Variants in UBE2D3 observed in about 807,000 individuals in gnomAD.
The protein encoded by UBE2D3 is ubiquitin-conjugating enzyme E2 D3.
A neutral mutation model predicts 22.8 loss-of-function variants in UBE2D3; 2 were observed. The observed-to-expected ratio is 0.09, with a 90% CI of 0.04 to 0.28. The LOEUF (loss-of-function observed/expected upper bound fraction) is 0.28. Ranked by LOEUF, UBE2D3 falls within the 10% of genes least tolerant of loss-of-function variation. The pLI, the probability that UBE2D3 is intolerant of heterozygous loss-of-function variation, is 1.00. For missense variants in UBE2D3, 27 were observed against 182.5 expected (o/e 0.15, Z 4.91); for synonymous variants, 56 against 60.4 (o/e 0.93, Z 0.34).
intron 1 of UBE2D3, among the ~76,000 whole-genome samples, chr4:102,854,796 G>A (rs1732550595): frequency 1.3e-5 from 2 of 152,176 alleles, no homozygotes; most frequent in Non-Finnish European, 1.5e-5. Context: ...GAAACAAGAA[G>A]GAAGCAAAAG....
At chr4:102,828,547 G>A (rs977374654), upstream of UBE2D3, among the ~76,000 whole-genome samples, 9 of 152,190 alleles carry the variant, frequency 5.9e-5, no homozygotes, top group South Asian at 2.1e-4. Context: ...AGAGAGTTAG[G>A]GGCAGGGTTT....
At chr4:102,811,664 T>G (rs1458372003) in intron 2 of UBE2D3, 1 of 358,310 alleles carries the variant, frequency 2.8e-6, no homozygotes, top group Non-Finnish European at 5.4e-6. Context: ...AGAGTGAGAC[T>G]GTCTCAAAAA....
upstream of UBE2D3, among the ~76,000 whole-genome samples, chr4:102,830,225 G>GAGCC (rs144779840): frequency 0.018 from 2,767 of 152,300 alleles, 78 homozygotes; most frequent in African/African-American, 0.06. Flanking sequence ...TTGTTACAGA[G>GAGCC]AGCCCACTTT....
At chr4:102,812,912 T>C (rs1032587210) in intron 2 of UBE2D3, 4 of 152,188 alleles carry the variant, frequency 2.6e-5, no homozygotes, top group South Asian at 2.1e-4. Context: ...CTACAGTCAA[T>C]GGGGGTTATT....
chr4:102,865,364 C>T (rs950593543), intron 1 of UBE2D3, among the ~76,000 whole-genome samples: 2 of 151,678 alleles, frequency 1.3e-5, no homozygotes, highest in Non-Finnish European at 2.9e-5. Context: ...TGGTGGCGGG[C>T]GCCTGTAGTC....
At chr4:102,808,884 A>G (rs997759455) in intron 4 of UBE2D3, among the ~76,000 whole-genome samples, 1 of 152,180 alleles carries the variant, frequency 6.6e-6, no homozygotes, top group African/African-American at 2.4e-5. Context: ...AGAATTCTAA[A>G]TATTACTTAC....
chr4:102,815,163 C>T (rs1402642899), intron 2 of UBE2D3, among the ~76,000 whole-genome samples: 1 of 152,004 alleles, frequency 6.6e-6, no homozygotes, highest in East Asian at 1.9e-4. Context: ...CCTGCCTCAG[C>T]CTTCCGAGTA....
chr4:102,808,359 A>G (rs772432890), intron 4 of UBE2D3, among the ~76,000 whole-genome samples: 2 of 152,194 alleles, frequency 1.3e-5, no homozygotes, highest in Non-Finnish European at 2.9e-5. Flanking sequence ...TATTGCTACC[A>G]AATTAGATAA....
At chr4:102,839,702 G>T (rs1283586584) in intron 1 of UBE2D3, among the ~76,000 whole-genome samples, 1 of 152,164 alleles carries the variant, frequency 6.6e-6, no homozygotes, top group Non-Finnish European at 1.5e-5. Flanking sequence ...ACTACTAGAA[G>T]AAAACAGGTA....
At chr4:102,845,944 T>C (rs1732019977) in intron 1 of UBE2D3, among the ~76,000 whole-genome samples, 1 of 152,150 alleles carries the variant, frequency 6.6e-6, no homozygotes, top group East Asian at 1.9e-4. Context: ...GCATGCACCA[T>C]CACACCCAGC....
chr4:102,801,136 G>A (rs1001119887), intron 6 of UBE2D3, among the ~76,000 whole-genome samples: 56 of 151,660 alleles, frequency 3.7e-4, no homozygotes, highest in Non-Finnish European at 6.9e-4. Flanking sequence ...TAAAAAGGCC[G>A]CAAGTTAGTG....
Position 102,826,488 on chromosome 4 carries a change from A to C in UBE2D3, c.21T>G (p.Asn7Lys). The stretch of plus-strand genomic sequence containing the variant: ...TGCCCTTGTCCCCGCGGGTTACCTT[A>C]TTAATCCGTTTCAGCGCCATAGTGT... MALKRI[N>K]KELSDLARDP... Residue 7 changes from asparagine to lysine, a missense_variant, in exon 2 of 8, where the codon AAT (asparagine) becomes AAG (lysine). Physicochemically the swap from Asn to Lys is moderately conservative, Grantham distance 94. Coordinates refer to ENST00000453744, the MANE Select transcript of UBE2D3 (RefSeq NM_181891.3). The C allele has an allele frequency of 6.2e-7, 1 of 1,611,758 alleles. No homozygotes were observed. The highest frequency in any genetic ancestry group is 8.5e-7 in the Non-Finnish European group (1 of 1,179,666).
At chr4:102,863,976 C>G (rs1733026047) in intron 1 of UBE2D3, among the ~76,000 whole-genome samples, 1 of 151,802 alleles carries the variant, frequency 6.6e-6, no homozygotes, top group Admixed American at 6.6e-5. Flanking sequence ...TCTAGACCAA[C>G]CACTGTGAAA....
At chr4:102,803,763 A>C (rs1188324908) in intron 4 of UBE2D3, among the ~76,000 whole-genome samples, 1 of 152,198 alleles carries the variant, frequency 6.6e-6, no homozygotes, top group Admixed American at 6.5e-5. Context: ...TACAACTAGT[A>C]AATGGAAGAG....
chr4:102,819,937 T>C (rs1213341133), intron 2 of UBE2D3, among the ~76,000 whole-genome samples: 2 of 152,244 alleles, frequency 1.3e-5, no homozygotes, highest in African/African-American at 2.4e-5. Flanking sequence ...AGACAAGATT[T>C]GTATGACTGT....
intron 2 of UBE2D3, among the ~76,000 whole-genome samples, chr4:102,814,456 T>G (rs899191138): frequency 9.4e-6 from 1 of 106,522 alleles, no homozygotes; most frequent in Non-Finnish European, 1.8e-5. Flanking sequence ...ACCTGGCTAT[T>G]CTTTTTTTTT....
intron 2 of UBE2D3, among the ~76,000 whole-genome samples, chr4:102,823,138 C>G (rs1180098588): frequency 6.6e-6 from 1 of 152,130 alleles, no homozygotes; most frequent in East Asian, 1.9e-4. Flanking sequence ...GATGAGACTG[C>G]ATTGTCTTAA....
intron 1 of UBE2D3, among the ~76,000 whole-genome samples, chr4:102,851,414 CAG>C (rs1553967236): frequency 2.0e-5 from 3 of 152,182 alleles, no homozygotes; most frequent in African/African-American, 4.8e-5. Context: ...GGAGTGAACA[CAG>C]GGGAGACTAA....
chr4:102,804,799 C>G (rs71597131), intron 4 of UBE2D3, among the ~76,000 whole-genome samples: 1 of 152,088 alleles, frequency 6.6e-6, no homozygotes, highest in Non-Finnish European at 1.5e-5. Flanking sequence ...CTCACCCTCC[C>G]GAGTAGCTGG....
Sources: allele counts gnomAD v4.1 joint callset (sites outside exome capture counted in the v4.1 genomes callset), GRCh38; gene constraint gnomAD v4.1.1; transcripts MANE v1.5; gene names NCBI Gene and HGNC (gene_info 2026-07-23, HGNC 2026-07-21).